PACS2: variants seen among roughly 807,000 people sequenced by gnomAD.
The protein encoded by PACS2 is PACS1-like protein.
A neutral mutation model predicts 113.0 loss-of-function variants in PACS2; 36 were observed. That is an observed-to-expected ratio of 0.32 (90% CI 0.24 to 0.42). The LOEUF is 0.42. Among genes scored for constraint, PACS2 ranks in the 10% least tolerant of loss-of-function variants. PACS2 has a pLI of 1.00. For synonymous variants in PACS2, 589 were observed against 536.1 expected (o/e 1.10, Z -1.36); for missense variants, 1,015 against 1,239.5 (o/e 0.82, Z 2.72).
chr14:105,303,421 T>A (rs1461487380), intron 1 of PACS2, among the ~76,000 whole-genome samples: 2 of 151,634 alleles, frequency 1.3e-5, no homozygotes, highest in Non-Finnish European at 2.9e-5. Flanking sequence ...TTTTTTGTAT[T>A]TTTAGTAGAG....
chr14:105,324,073 C>T lies in PACS2; in HGVS notation c.119+9036C>T, dbSNP rs1047185388. Among the ~76,000 whole-genome samples, 2 of 152,180 alleles carry T rather than the reference C, an allele frequency of 1.3e-5. No individual in the cohort carries two copies. Among genetic ancestry groups the T allele is most frequent in the African/African-American group, 4.8e-5 (2 of 41,430 alleles). ...TGTGCAGGAGATGGAGGGCAGGGGG[C>T]TACAGTGCCCTTGGACTAAAGGATG... On this transcript the variant is annotated intron_variant, in intron 1 of 24. Transcript: ENST00000447393. The surrounding 1 kb of genome is among the most constrained non-coding windows in gnomAD (Gnocchi z 4.7).
At position 105,355,507 on chromosome 14, in the gene PACS2, G is replaced by A. The variant is rs587763992; in HGVS notation, c.423+330G>A. Among the ~76,000 whole-genome samples the A allele has an allele frequency of 6.6e-6, 1 of 152,364 alleles. No individual in the cohort carries two copies. Among genetic ancestry groups the A allele is most frequent in the East Asian group, 1.9e-4 (1 of 5,176 alleles). ...GAGTCCTTCCCATGGAGGAATCGCT[G>A]CTGTCCCCACACCACGGGTGCGTCC... is the stretch of plus-strand genomic sequence containing the variant. On this transcript the variant is annotated intron_variant, in intron 4 of 24. Coordinates refer to ENST00000447393, the MANE Select transcript of PACS2 (RefSeq NM_001100913.3). The surrounding 1 kb of genome is among the most constrained non-coding windows in gnomAD (Gnocchi z 4.1).
chr14:105,391,182 C>T (rs370897558), intron 20 of PACS2, 25 bp from the exon 21 acceptor site: 4 of 1,601,828 alleles, frequency 2.5e-6, no homozygotes, highest in Non-Finnish European at 3.4e-6. Context: ...ACGGCTTTCA[C>T]CAGCCAGTGC....
intron 1 of PACS2, among the ~76,000 whole-genome samples, chr14:105,338,092 G>A (rs2059592081): frequency 6.6e-6 from 1 of 152,218 alleles, no homozygotes; most frequent in Non-Finnish European, 1.5e-5. Flanking sequence ...CGAGGGGTCT[G>A]TTCTCAGACT....
At chr14:105,350,025 G>C (rs1248994857) in intron 2 of PACS2, among the ~76,000 whole-genome samples, 3 of 150,064 alleles carry the variant, frequency 2.0e-5, no homozygotes, top group Non-Finnish European at 4.5e-5. Context: ...ACTTCCGGGA[G>C]CGCGTGGCTA....
chr14:105,325,154 C>T (rs1022409043), intron 1 of PACS2, among the ~76,000 whole-genome samples: 16 of 111,416 alleles, frequency 1.4e-4, no homozygotes, highest in African/African-American at 4.1e-4. Context: ...AGGGCACCGT[C>T]GTAGGGTGGT....
chr14:105,355,161 C>T lies in PACS2; in HGVS notation c.407C>T (p.Ser136Phe). 6.2e-7 allele frequency: 1 copy of T among 1,613,330 alleles called. No homozygotes were observed. The highest frequency in any genetic ancestry group is 2.2e-5 in the East Asian group (1 of 44,868). ...ILGYKTLAAGSISMAEVMQHP... is the reference protein window; with the variant it reads ...ILGYKTLAAGFISMAEVMQHP... ...GGCTACAAGACGCTGGCCGCGGGCTCCATCAGCATGGCTGAGGTGAGTGCT... is the reference window on the plus strand; with the variant it reads ...GGCTACAAGACGCTGGCCGCGGGCTTCATCAGCATGGCTGAGGTGAGTGCT... The change falls in exon 4 of 25, where the codon TCC becomes TTC. Residue 136 changes from serine (S) to phenylalanine (F), a missense_variant. By Grantham distance (155) the Ser-to-Phe change is radical (BLOSUM62 -2). This residue lies in a region of PACS2 where 16 missense variants were observed against 47.6 expected (regional missense o/e 0.34). Coordinates refer to ENST00000447393, the MANE Select transcript of PACS2 (RefSeq NM_001100913.3). This position sits in a 1 kb window ranked among gnomAD's most constrained non-coding sequence, Gnocchi z 4.1.
At chr14:105,327,752 C>T (rs1242607357) in intron 1 of PACS2, among the ~76,000 whole-genome samples, 15 of 152,216 alleles carry the variant, frequency 9.9e-5, no homozygotes, top group Non-Finnish European at 1.5e-5. Context: ...GTGGCTCGAG[C>T]GGTTCCCTGC....
chr14:105,353,177 G>A (rs2060288075), intron 3 of PACS2, among the ~76,000 whole-genome samples: 1 of 131,104 alleles, frequency 7.6e-6, no homozygotes, highest in African/African-American at 3.0e-5. Flanking sequence ...CTGTCCCCTG[G>A]GGTGACGGGC....
At chr14:105,353,099 A>G (rs1268833143) in intron 3 of PACS2, among the ~76,000 whole-genome samples, 1 of 43,054 alleles carries the variant, frequency 2.3e-5, no homozygotes, top group African/African-American at 1.0e-4. Context: ...GGCCCCCCCC[A>G]TCACTGTCCC....
In PACS2 at chr14:105,384,853, CCCCCCA is replaced by C; in HGVS notation, c.1892-23_1892-18del. 7.0e-7 allele frequency: 1 copy of C among 1,431,376 alleles called. No homozygotes were observed. The highest frequency in any genetic ancestry group is 9.6e-7 in the Non-Finnish European group (1 of 1,036,502). The allele number at this position is 1,431,376 out of a possible 1,614,324, so 88.7% of individuals were successfully genotyped here. A position where few individuals can be genotyped will look rare whatever the true frequency, so the allele number is the denominator to read the frequency against. ...GCAACCCCACCTGGCACCAGCCTAA[CCCCCCA>C]CCGCCTCCTCCCCCTGCAGTACAGG... On this transcript the variant is annotated intron_variant, in intron 17 of 24. Transcript: ENST00000447393.
In PACS2 at chr14:105,330,871, T is replaced by C. The variant is rs1027923507; in HGVS notation, c.119+15834T>C. Among the ~76,000 whole-genome samples the C allele has an allele frequency of 1.3e-5, 2 of 152,218 alleles. No homozygotes were observed. The highest frequency in any genetic ancestry group is 2.9e-5 in the Non-Finnish European group (2 of 68,038). On this transcript the variant is annotated intron_variant, in intron 1 of 24. Transcript: ENST00000447393. The surrounding 1 kb of genome is among the most constrained non-coding windows in gnomAD (Gnocchi z 6.9). ...TGTGCCAGCTGTGCCCCATGCAGCC[T>C]CTACCGGCATCTCACGTGATGTCAA...
rs376777945 is a variant in PACS2 at position 105,348,411 on chromosome 14, G to T, written c.120-82G>T. 4.5e-5 allele frequency: 49 copies of T among 1,099,752 alleles called. No homozygotes were observed. In the African/African-American group the frequency reaches 6.4e-4, roughly 14 times the overall value. The allele number at this position is 1,099,752 out of a possible 1,614,324, so 68.1% of individuals were successfully genotyped here. On this transcript the variant is annotated intron_variant, in intron 1 of 24. Transcript: ENST00000447393. The surrounding 1 kb of genome is among the most constrained non-coding windows in gnomAD (Gnocchi z 6.4). ...GCACCCCAGGGTGCAGGCTCCCGGG[G>T]TGACACAGTGCTGGGACGGCACAGG...
intron 1 of PACS2, among the ~76,000 whole-genome samples, chr14:105,338,703 C>G (rs1430025457): frequency 6.6e-6 from 1 of 152,216 alleles, no homozygotes; most frequent in African/African-American, 2.4e-5. Flanking sequence ...CGTGACTGAC[C>G]CCTGCCCTTG....
intron 19 of PACS2, among the ~76,000 whole-genome samples, chr14:105,388,114 C>T (rs782205960): frequency 5.3e-5 from 8 of 152,182 alleles, no homozygotes; most frequent in Non-Finnish European, 1.2e-4. Context: ...CAACTCTTCT[C>T]CTTAGAAATG....
chr14:105,381,263 C>A (rs2080984690), intron 12 of PACS2, among the ~76,000 whole-genome samples, 164 bp downstream of exon 12: 4 of 152,196 alleles, frequency 2.6e-5, no homozygotes, highest in Admixed American at 1.3e-4. Context: ...GAGAAGCAAA[C>A]CCCCTGGCCC....
chr14:105,301,262 G>GGGA (rs1255041548), intron 1 of PACS2: 1 of 151,376 alleles, frequency 6.6e-6, no homozygotes, highest in African/African-American at 2.4e-5. Context: ...TAGTGAGCGC[G>GGGA]GTCTCCAGCG....
Position 105,394,875 on chromosome 14 carries a change from G to T in PACS2, c.*203G>T. The T allele has an allele frequency of 1.8e-6, 1 of 556,612 alleles. No individual in the cohort carries two copies. The highest frequency in any genetic ancestry group is 3.3e-6 in the Non-Finnish European group (1 of 307,422). The allele number at this position is 556,612 out of a possible 1,614,324, so 34.5% of individuals were successfully genotyped here. ...AACTGCTCTGCTTATTAACCCGAAC[G>T]TTCGGCCCGGGGCTGGGAAGCCAGA... On this transcript the variant is annotated 3_prime_UTR_variant, in exon 25 of 25. Coordinates refer to ENST00000447393, the MANE Select transcript of PACS2 (RefSeq NM_001100913.3).
intron 4 of PACS2, among the ~76,000 whole-genome samples, chr14:105,364,585 T>G (rs1297674251): frequency 6.6e-6 from 1 of 150,790 alleles, no homozygotes; most frequent in Non-Finnish European, 1.5e-5. Context: ...CTCCTCACCA[T>G]GCATGTCTCA....
Sources: allele counts gnomAD v4.1 joint callset (sites outside exome capture counted in the v4.1 genomes callset), GRCh38; gene constraint gnomAD v4.1.1; regional missense constraint gnomAD v4.1.1; non-coding constraint Gnocchi (gnomAD v3.1); transcripts MANE v1.5; gene names NCBI Gene and HGNC (gene_info 2026-07-23, HGNC 2026-07-21).